Variants in RBFOX1 observed in about 807,000 individuals in gnomAD.
The protein encoded by RBFOX1 is RNA binding protein fox-1 homolog 1.
RBFOX1 carries 8 observed loss-of-function variants against 57.7 expected under a neutral mutation model. The ratio of observed to expected loss-of-function variants is 0.14; its 90% confidence interval spans 0.08 to 0.25. The LOEUF (loss-of-function observed/expected upper bound fraction) is 0.25. Ranked by LOEUF, RBFOX1 falls within the 10% of genes least tolerant of loss-of-function variation. RBFOX1 has a pLI of 1.00. For missense variants in RBFOX1, 611 were observed against 548.5 expected, an observed-to-expected ratio of 1.11 and a Z score of -1.14; for synonymous variants, 326 against 222.4, an observed-to-expected ratio of 1.47 and a Z score of -4.15.
At chr16:6,382,919 C>T (rs1365560779) in intron 2 of RBFOX1, among the ~76,000 whole-genome samples, 2 of 152,148 alleles carry the variant, frequency 1.3e-5, no homozygotes, top group African/African-American at 4.8e-5. Flanking sequence ...TTACCCAAAG[C>T]AGGAGAAGCA....
At chr16:6,940,869 G>GTC (rs2078302448) in intron 3 of RBFOX1, among the ~76,000 whole-genome samples, 1 of 136,196 alleles carries the variant, frequency 7.3e-6, no homozygotes, top group East Asian at 2.4e-4. Flanking sequence ...GTGTGTGTGT[G>GTC]TGTGTGTGTG....
At chr16:7,325,961 G>T (rs927720962) in intron 4 of RBFOX1, among the ~76,000 whole-genome samples, 1 of 152,144 alleles carries the variant, frequency 6.6e-6, no homozygotes, top group Admixed American at 6.5e-5. Flanking sequence ...CTCAGTTCTG[G>T]TTCAAGCTGA....
intron 1 of RBFOX1, among the ~76,000 whole-genome samples, chr16:6,098,787 C>G (rs1051218196): frequency 1.1e-4 from 17 of 152,180 alleles, no homozygotes; most frequent in African/African-American, 4.1e-4. Flanking sequence ...TCAGGGGACT[C>G]TGAGACACAC....
At position 7,005,794 on chromosome 16, in the gene RBFOX1, ATCT is replaced by A. The variant is rs201468463; in HGVS notation, c.-15-46258_-15-46256del. Among the ~76,000 whole-genome samples the A allele has an allele frequency of 5.0e-3, 765 of 152,286 alleles. 9 individuals carry two copies. The highest frequency in any genetic ancestry group is 0.017 in the African/African-American group (723 of 41,554). On this transcript the variant is annotated intron_variant, in intron 3 of 15. Transcript: ENST00000550418. The stretch of plus-strand genomic sequence containing the variant: ...TGCCTAAATCGCAAGATGACCATTC[ATCT>A]TCTTTTTCTGGCTCACATGAGTGAC...
intron 3 of RBFOX1, among the ~76,000 whole-genome samples, chr16:6,829,209 G>T (rs1449584238): frequency 7.3e-6 from 1 of 137,800 alleles, no homozygotes; most frequent in South Asian, 2.3e-4. Context: ...TGACCCAAAA[G>T]AAAAGCATTT....
At chr16:7,595,662 C>T (rs1375977271) in intron 8 of RBFOX1, 21 bp downstream of exon 8, 3 of 1,552,238 alleles carry the variant, frequency 1.9e-6, no homozygotes, top group Admixed American at 1.8e-5. Flanking sequence ...AAAATATTTT[C>T]CTTTTCATCT....
chr16:6,152,355 G>C (rs1567570298), intron 1 of RBFOX1, among the ~76,000 whole-genome samples: 1 of 151,348 alleles, frequency 6.6e-6, no homozygotes, highest in Non-Finnish European at 1.5e-5. Flanking sequence ...TTTTTAACTA[G>C]CTGCTGTTTG....
intron 4 of RBFOX1, among the ~76,000 whole-genome samples, chr16:5,924,732 A>G (rs970209991): frequency 5.3e-5 from 8 of 152,164 alleles, no homozygotes; most frequent in Non-Finnish European, 1.2e-4. Flanking sequence ...GTGGTCTAAG[A>G]CACCTACCTT....
At chr16:5,745,067 A>AT (rs2052923469) in intron 3 of RBFOX1, among the ~76,000 whole-genome samples, 1 of 152,094 alleles carries the variant, frequency 6.6e-6, no homozygotes, top group Admixed American at 6.5e-5. Flanking sequence ...TACATTAGGT[A>AT]TATCTCCCAG....
intron 4 of RBFOX1, among the ~76,000 whole-genome samples, chr16:7,486,116 T>G (rs921390694): frequency 1.6e-5 from 2 of 121,272 alleles, no homozygotes; most frequent in African/African-American, 5.9e-5. Context: ...TGTGTTTGTG[T>G]CTTTTTTTTT....
intron 3 of RBFOX1, among the ~76,000 whole-genome samples, chr16:6,853,683 G>A (rs753624130): frequency 2.0e-5 from 3 of 152,160 alleles, no homozygotes; most frequent in Non-Finnish European, 4.4e-5. Context: ...TTGTGAACCT[G>A]TAGCAATTTA....
chr16:5,984,572 G>T (rs1260710155), intron 4 of RBFOX1, among the ~76,000 whole-genome samples: 1 of 152,116 alleles, frequency 6.6e-6, no homozygotes, highest in Non-Finnish European at 1.5e-5. Context: ...TCTTATGAGA[G>T]AATAGTAACT....
intron 4 of RBFOX1, among the ~76,000 whole-genome samples, chr16:7,218,654 G>C (rs1034936966): frequency 2.7e-5 from 4 of 149,588 alleles, no homozygotes; most frequent in Admixed American, 6.7e-5. Flanking sequence ...GTGTGTGTGT[G>C]TGTGTGTGTG....
chr16:5,416,955 C>G (rs540501791), intron 1 of RBFOX1, among the ~76,000 whole-genome samples: 1 of 152,116 alleles, frequency 6.6e-6, no homozygotes, highest in Non-Finnish European at 1.5e-5. Flanking sequence ...GAACAGGGCA[C>G]AGCAATGAAA....
chr16:6,907,191 T>C (rs7200656), intron 3 of RBFOX1, among the ~76,000 whole-genome samples: 51,690 of 152,008 alleles, frequency 0.34, 10,871 homozygotes, highest in African/African-American at 0.6. Context: ...TCCTGGCATC[T>C]GTAGGGCAGG....
chr16:5,502,833 C>G (rs1184978788), intron 2 of RBFOX1, among the ~76,000 whole-genome samples: 2 of 152,154 alleles, frequency 1.3e-5, no homozygotes, highest in Non-Finnish European at 2.9e-5. Flanking sequence ...TCAGGGGACC[C>G]TGAGAAATAG....
At chr16:5,420,437 C>G (rs1567481743) in intron 1 of RBFOX1, among the ~76,000 whole-genome samples, 1 of 152,132 alleles carries the variant, frequency 6.6e-6, no homozygotes, top group South Asian at 2.1e-4. Context: ...GTCACACACA[C>G]TCATACAGTC....
intron 5 of RBFOX1, among the ~76,000 whole-genome samples, chr16:7,576,065 T>C (rs1299579328): frequency 1.3e-5 from 2 of 151,242 alleles, no homozygotes; most frequent in African/African-American, 2.4e-5. Flanking sequence ...CCCAAGTAGC[T>C]GGGATGGCAG....
chr16:6,026,891 C>A (rs1222368381), intron 1 of RBFOX1, among the ~76,000 whole-genome samples: 1 of 152,240 alleles, frequency 6.6e-6, no homozygotes, highest in Non-Finnish European at 1.5e-5. Flanking sequence ...ACAGCTGGAG[C>A]TGCTCTGATA....
Sources: gnomAD v4.1 joint callset for allele counts (sites outside exome capture counted in the v4.1 genomes callset) on GRCh38, gnomAD v4.1.1 for gene constraint, MANE v1.5 for transcripts, NCBI Gene and HGNC (gene_info 2026-07-23, HGNC 2026-07-21) for gene names.